Variants in CNTN4 observed in about 807,000 individuals in gnomAD.
The protein encoded by CNTN4 is contactin 4.
CNTN4 carries 77 observed loss-of-function variants against 122.5 expected under a neutral mutation model. The ratio of observed to expected loss-of-function variants is 0.63; its 90% CI spans 0.52 to 0.76. CNTN4 has a LOEUF of 0.76. Ranked by LOEUF, CNTN4 falls within the 30% of genes least tolerant of loss-of-function variation. The pLI is 0.00. For missense variants in CNTN4, 1,256 were observed against 1,259.1 expected (o/e 1.00, Z 0.04); for synonymous variants, 512 against 447.0 (o/e 1.15, Z -1.83).
intron 4 of CNTN4, among the ~76,000 whole-genome samples, chr3:2,725,105 C>T (rs1180299160): frequency 6.6e-6 from 1 of 152,174 alleles, no homozygotes; most frequent in African/African-American, 2.4e-5. Flanking sequence ...AGACACTGTT[C>T]ATTCAGAGCA....
intron 2 of CNTN4, among the ~76,000 whole-genome samples, chr3:2,253,572 C>T (rs2040458304): frequency 6.6e-6 from 1 of 151,998 alleles, no homozygotes; most frequent in South Asian, 2.1e-4. Flanking sequence ...ATATAAGTTC[C>T]TGCTACTACT....
intron 2 of CNTN4, among the ~76,000 whole-genome samples, chr3:2,274,135 C>A (rs2041406969): frequency 6.6e-6 from 1 of 152,102 alleles, no homozygotes; most frequent in African/African-American, 2.4e-5. Context: ...GTAATCCCAG[C>A]ACTTTGCGAG....
chr3:2,174,697 G>A (rs1172200617), intron 2 of CNTN4, among the ~76,000 whole-genome samples: 1 of 152,126 alleles, frequency 6.6e-6, no homozygotes, highest in African/African-American at 2.4e-5. Flanking sequence ...CTGAGACTGG[G>A]TAATTTATTT....
chr3:2,814,721 C>T (rs181923176), intron 6 of CNTN4, among the ~76,000 whole-genome samples: 13 of 152,270 alleles, frequency 8.5e-5, no homozygotes, highest in Middle Eastern at 3.4e-3. Context: ...TATGGTGCTT[C>T]AGAGCAGTAA....
intron 13 of CNTN4, among the ~76,000 whole-genome samples, chr3:2,973,421 T>G (rs925934779): frequency 5.9e-5 from 9 of 152,038 alleles, no homozygotes; most frequent in African/African-American, 2.2e-4. Flanking sequence ...AGACACTGAT[T>G]TCTCTATTCA....
At chr3:2,941,299 C>T (rs1292443225) in intron 13 of CNTN4, among the ~76,000 whole-genome samples, 2 of 152,154 alleles carry the variant, frequency 1.3e-5, no homozygotes, top group Admixed American at 1.3e-4. Context: ...CCCTCTCTCT[C>T]CAGGCAATCT....
intron 4 of CNTN4, among the ~76,000 whole-genome samples, chr3:2,606,411 G>A (rs955717581): frequency 7.9e-5 from 12 of 152,086 alleles, no homozygotes; most frequent in Non-Finnish European, 2.9e-5. Context: ...CAGGTGATAG[G>A]TTGATAGGTG....
At chr3:2,558,029 G>A (rs1298991034) in intron 3 of CNTN4, among the ~76,000 whole-genome samples, 1 of 152,060 alleles carries the variant, frequency 6.6e-6, no homozygotes, top group Non-Finnish European at 1.5e-5. Flanking sequence ...TATCTTTCAA[G>A]GAGGATAGCT....
At chr3:2,582,681 G>T (rs998693829) in intron 4 of CNTN4, among the ~76,000 whole-genome samples, 13 of 152,310 alleles carry the variant, frequency 8.5e-5, no homozygotes, top group South Asian at 8.3e-4. Context: ...AAGGAGGGCA[G>T]CCTCTGTGGT....
intron 7 of CNTN4, among the ~76,000 whole-genome samples, chr3:2,837,956 A>G (rs1044659928): frequency 2.0e-5 from 3 of 152,244 alleles, no homozygotes; most frequent in Non-Finnish European, 2.9e-5. Flanking sequence ...TGCAATTAAT[A>G]TAAGTCATCT....
chr3:2,665,590 C>T (rs995941658), intron 4 of CNTN4, among the ~76,000 whole-genome samples: 1 of 152,062 alleles, frequency 6.6e-6, no homozygotes, highest in African/African-American at 2.4e-5. Context: ...TTGGGAGAAA[C>T]CTGGGTGAAA....
At chr3:2,679,787 T>C (rs2085070915) in intron 4 of CNTN4, among the ~76,000 whole-genome samples, 1 of 152,154 alleles carries the variant, frequency 6.6e-6, no homozygotes, top group South Asian at 2.1e-4. Context: ...CAACTATATA[T>C]TGCATACCTT....
chr3:2,328,124 AAT>A (rs1418666361), intron 2 of CNTN4, among the ~76,000 whole-genome samples: 1 of 152,186 alleles, frequency 6.6e-6, no homozygotes. Flanking sequence ...GTCCATTAAA[AAT>A]ACACAGTTTT....
intron 14 of CNTN4, among the ~76,000 whole-genome samples, chr3:3,000,877 TTTC>T (rs1183365698): frequency 5.9e-5 from 8 of 134,474 alleles, no homozygotes; most frequent in Non-Finnish European, 1.1e-4. Flanking sequence ...TCTTTCTTTC[TTTC>T]TTTTTTTTTT....
chr3:2,349,158 C>G (rs1032785), intron 3 of CNTN4, among the ~76,000 whole-genome samples: 1 of 152,070 alleles, frequency 6.6e-6, no homozygotes, highest in Non-Finnish European at 1.5e-5. Context: ...ACCATCATAT[C>G]TTATTATACC....
intron 8 of CNTN4, among the ~76,000 whole-genome samples, chr3:2,868,328 T>C (rs922165740): frequency 6.6e-6 from 1 of 152,218 alleles, no homozygotes; most frequent in Non-Finnish European, 1.5e-5. Context: ...CCAGCACCCA[T>C]GTCTTACTGA....
At chr3:2,469,555 CA>C (rs2075614267) in intron 3 of CNTN4, among the ~76,000 whole-genome samples, 1 of 152,194 alleles carries the variant, frequency 6.6e-6, no homozygotes, top group South Asian at 2.1e-4. Context: ...GTAGGTTTCT[CA>C]TACAATTAGA....
chr3:2,941,016 A>G (rs185155789), intron 13 of CNTN4, among the ~76,000 whole-genome samples: 3 of 152,348 alleles, frequency 2.0e-5, no homozygotes, highest in East Asian at 3.9e-4. Context: ...GATGCATAAA[A>G]TTGTTATAGA....
At chr3:2,322,140 A>G (rs545108812) in intron 2 of CNTN4, among the ~76,000 whole-genome samples, 2 of 152,306 alleles carry the variant, frequency 1.3e-5, no homozygotes, top group African/African-American at 2.4e-5. Context: ...TACTCTATCT[A>G]TTTTGTAACA....
Sources: allele counts gnomAD v4.1 joint callset (sites outside exome capture counted in the v4.1 genomes callset), GRCh38; gene constraint gnomAD v4.1.1; transcripts MANE v1.5; gene names NCBI Gene and HGNC (gene_info 2026-07-23, HGNC 2026-07-21).